Variants in HSD17B13 observed in about 807,000 individuals in gnomAD.
HSD17B13 encodes hydroxysteroid 17-beta dehydrogenase 13, also known as 17-beta-hydroxysteroid dehydrogenase 13.
HSD17B13 carries 26 observed loss-of-function variants against 31.1 expected under a neutral mutation model. The ratio of observed to expected loss-of-function variants is 0.84; its 90% CI spans 0.61 to 1.16. The LOEUF is 1.16. HSD17B13 is among the 50% of genes most tolerant of loss of function. The pLI is 0.00. For synonymous variants in HSD17B13, 141 were observed against 133.7 expected (o/e 1.05, Z -0.38); for missense variants, 374 against 366.5 (o/e 1.02, Z -0.17).
intron 5 of HSD17B13, among the ~76,000 whole-genome samples, chr4:87,311,925 AG>A (rs1211180660): frequency 6.6e-6 from 1 of 152,180 alleles, no homozygotes; most frequent in Non-Finnish European, 1.5e-5. Flanking sequence ...CCAGCCTCGG[AG>A]CCAAGTGTGA....
intron 5 of HSD17B13, 136 bp from the exon 6 acceptor site, chr4:87,310,495 T>C: frequency 9.5e-7 from 1 of 1,047,218 alleles, no homozygotes; most frequent in Non-Finnish European, 1.2e-6. Context: ...ATTTGCTGCA[T>C]TAATGCCACC....
At chr4:87,312,603 C>T (rs1308834856) in intron 5 of HSD17B13, among the ~76,000 whole-genome samples, 1 of 133,614 alleles carries the variant, frequency 7.5e-6, no homozygotes, top group East Asian at 2.3e-4. Context: ...GATCTCGGCT[C>T]ACTGCAAGCT....
intron 2 of HSD17B13, among the ~76,000 whole-genome samples, chr4:87,317,562 A>AATTTTTTTTT (rs1560750190): frequency 4.9e-5 from 3 of 61,038 alleles, no homozygotes; most frequent in East Asian, 4.0e-4. Flanking sequence ...TTTTCTTTAA[A>AATTTTTTTTT]CTTTTTTTTT....
chr4:87,311,206 G>A (rs529411902), intron 5 of HSD17B13, among the ~76,000 whole-genome samples: 29 of 152,202 alleles, frequency 1.9e-4, no homozygotes, highest in Admixed American at 7.2e-4. Context: ...CCCTTTTCCC[G>A]GAAAACTCAT....
In HSD17B13 at chr4:87,317,213, T is replaced by C. The variant is rs1734671219; in HGVS notation, c.329A>G (p.Glu110Gly). The change falls in exon 3 of 7, where the codon GAA becomes GGA. Residue 110 changes from glutamate to glycine, a missense_variant. Physicochemically the swap from Glu to Gly is moderately conservative, Grantham distance 98. Transcript: ENST00000328546. ...IYRSLNQVKK[E>G]VGDVTIVVNN... ...CACCACGATTGTTACATCACCCACT[T>C]CTTTCTTCACCTTTTGAAATTGAAA... 2 of 1,613,920 alleles carry C rather than the reference T, an allele frequency of 1.2e-6. No individual in the cohort carries two copies. Among genetic ancestry groups the C allele is most frequent in the East Asian group, 4.5e-5 (2 of 44,876 alleles).
chr4:87,309,464 C>T (rs1202582313), intron 6 of HSD17B13, among the ~76,000 whole-genome samples: 1 of 136,126 alleles, frequency 7.3e-6, no homozygotes, highest in African/African-American at 2.7e-5. Context: ...AAGACTTAAA[C>T]ACCAAAAACT....
chr4:87,319,910 C>T (rs1184458225), intron 1 of HSD17B13, among the ~76,000 whole-genome samples: 2 of 152,256 alleles, frequency 1.3e-5, no homozygotes, highest in East Asian at 3.8e-4. Flanking sequence ...GTTTTCACCT[C>T]AGGTGACTTT....
intron 5 of HSD17B13, among the ~76,000 whole-genome samples, chr4:87,312,518 CTTTTTTTTTTTTTTTTTTT>C (rs747820120): frequency 2.8e-5 from 2 of 71,596 alleles, no homozygotes; most frequent in South Asian, 6.7e-4. Context: ...ACCTTTAATT[CTTTTTTTTTTTTTTTTTTT>C]TTTTTTTTTT....
intron 1 of HSD17B13, among the ~76,000 whole-genome samples, chr4:87,319,103 A>C (rs1365778781): frequency 1.3e-5 from 2 of 152,090 alleles, no homozygotes; most frequent in Non-Finnish European, 2.9e-5. Context: ...AATCACTTGA[A>C]CCCGGGAGGC....
Position 87,317,173 on chromosome 4 carries a change from T to C in HSD17B13, c.369A>G (p.Thr123=). 1.9e-6 allele frequency: 3 copies of C among 1,613,814 alleles called. No individual in the cohort carries two copies. The highest frequency in any genetic ancestry group is 2.5e-6 in the Non-Finnish European group (3 of 1,179,662). The change falls in exon 3 of 7, where the codon ACA becomes ACG. Residue 123 remains threonine (T), a synonymous_variant. Coordinates refer to ENST00000328546, the MANE Select transcript of HSD17B13 (RefSeq NM_178135.5). ...DVTIVVNNAG[T]VYPADLLSTK... is the part of the protein sequence containing the mutation. The stretch of plus-strand genomic sequence containing the variant: ...TGCTGAGAAGATCGGCTGGATATAC[T>C]GTCCCAGCATTATTCACCACGATTG...
intron 3 of HSD17B13, among the ~76,000 whole-genome samples, chr4:87,316,674 A>G (rs1235251131): frequency 6.6e-6 from 1 of 152,190 alleles, no homozygotes; most frequent in Non-Finnish European, 1.5e-5. Context: ...CATCCAAGTA[A>G]TTACTTCTGA....
intron 5 of HSD17B13, among the ~76,000 whole-genome samples, chr4:87,312,327 T>C (rs554545489): frequency 2.4e-4 from 36 of 152,196 alleles, no homozygotes; most frequent in African/African-American, 8.7e-4. Flanking sequence ...CAGCATAATT[T>C]CACAAAGTCC....
At chr4:87,314,641 TCACACACA>T (rs1553956168) in intron 4 of HSD17B13, among the ~76,000 whole-genome samples, 2 of 142,136 alleles carry the variant, frequency 1.4e-5, no homozygotes, top group African/African-American at 2.5e-5. Flanking sequence ...TCTCTCTCTC[TCACACACA>T]CACACACACA....
Position 87,305,165 on chromosome 4 carries a change from C to A in HSD17B13, c.*53G>T. On this transcript the variant is annotated 3_prime_UTR_variant, in exon 7 of 7. Transcript: ENST00000328546. The stretch of plus-strand genomic sequence containing the variant: ...GAAATAAAGCTTTGCAGCATTGATT[C>A]GAAACTATTCATATCATTATCATGC... 7.0e-6 allele frequency: 8 copies of A among 1,150,534 alleles called. No homozygotes were observed. The highest frequency in any genetic ancestry group is 7.5e-6 in the Non-Finnish European group (6 of 801,220). The allele number at this position is 1,150,534 out of a possible 1,614,324, so 71.3% of individuals were successfully genotyped here.
chr4:87,314,249 T>C (rs1734597825), intron 4 of HSD17B13, among the ~76,000 whole-genome samples: 1 of 152,094 alleles, frequency 6.6e-6, no homozygotes, highest in East Asian at 1.9e-4. Flanking sequence ...GTTTTTCCAT[T>C]GAATCTTCAA....
At chr4:87,322,545 C>T in intron 1 of HSD17B13, 87 bp downstream of exon 1, 1 of 1,060,252 alleles carries the variant, frequency 9.4e-7, no homozygotes, top group Non-Finnish European at 1.4e-6. Flanking sequence ...AACAAAAATA[C>T]AAAGATAAGT....
At chr4:87,322,100 G>A (rs7671557) in intron 1 of HSD17B13, among the ~76,000 whole-genome samples, 17,507 of 152,214 alleles carry the variant, frequency 0.12, 1,303 homozygotes, top group Non-Finnish European at 0.16. Flanking sequence ...CATGTGCCAC[G>A]TATCGTTTAT....
intron 5 of HSD17B13, among the ~76,000 whole-genome samples, chr4:87,311,338 A>C (rs1734526253): frequency 6.6e-6 from 1 of 152,066 alleles, no homozygotes; most frequent in South Asian, 2.1e-4. Context: ...TTCCTAATAA[A>C]CTTGCTTTTG....
chr4:87,315,786 T>C (rs1165980202), intron 3 of HSD17B13, among the ~76,000 whole-genome samples, 187 bp from the exon 4 acceptor site: 3 of 152,208 alleles, frequency 2.0e-5, no homozygotes, highest in East Asian at 3.8e-4. Flanking sequence ...TTTATTGGTA[T>C]GGTAAGCCCC....
Sources: gnomAD v4.1 joint callset for allele counts (sites outside exome capture counted in the v4.1 genomes callset) on GRCh38, gnomAD v4.1.1 for gene constraint, MANE v1.5 for transcripts, NCBI Gene and HGNC (gene_info 2026-07-23, HGNC 2026-07-21) for gene names.